Variants in APOBEC3B observed in about 807,000 individuals in gnomAD.
The protein encoded by APOBEC3B is apolipoprotein B mRNA editing enzyme catalytic subunit 3B, also known as DNA dC->dU-editing enzyme APOBEC-3B.
APOBEC3B carries 29 observed loss-of-function variants against 53.4 expected under a neutral mutation model. That is an observed-to-expected ratio of 0.54 (90% CI 0.40 to 0.74). The LOEUF is 0.74. APOBEC3B is among the 30% of genes least tolerant of loss of function. The pLI, the probability that APOBEC3B is intolerant of heterozygous loss-of-function variation, is 0.00. For synonymous variants in APOBEC3B, 132 were observed against 184.8 expected (o/e 0.71, Z 2.32); for missense variants, 347 against 496.2 (o/e 0.70, Z 2.86).
At chr22:38,982,559 C>T (rs1231993527) in intron 1 of APOBEC3B, 89 bp downstream of exon 1, 2 of 1,492,384 alleles carry the variant, frequency 1.3e-6, no homozygotes, top group East Asian at 2.6e-5. Flanking sequence ...TCCCCCCGCC[C>T]CTGCCCCAGC....
chr22:38,983,701 G>C (rs1923621135), intron 1 of APOBEC3B, among the ~76,000 whole-genome samples: 1 of 149,308 alleles, frequency 6.7e-6, no homozygotes, highest in Non-Finnish European at 1.5e-5. Context: ...AACACGCAGA[G>C]TGAAACATCA....
At chr22:38,990,189 G>C (rs1336211935) in intron 5 of APOBEC3B, among the ~76,000 whole-genome samples, 1 of 148,264 alleles carries the variant, frequency 6.7e-6, no homozygotes, top group Non-Finnish European at 1.5e-5. Context: ...CCTCTGTCTG[G>C]AGAGGCCAAG....
intron 4 of APOBEC3B, among the ~76,000 whole-genome samples, chr22:38,986,864 T>C (rs1923762367): frequency 6.8e-6 from 1 of 147,854 alleles, no homozygotes; most frequent in South Asian, 2.2e-4. Context: ...GGCCTCTGAG[T>C]GTGAAGGCAT....
In APOBEC3B at chr22:38,986,404, G is replaced by T. The variant is rs1381676794; in HGVS notation, c.561G>T (p.Glu187Asp). The change falls in exon 4 of 8, where the codon GAG (glutamate) becomes GAT (aspartate). Residue 187 changes from glutamate to aspartate, a missense_variant. Transcript: ENST00000333467. ...CATTCCTGCACCGCACGCTAAAGGA[G>T]ATTCTCAGGTGAGGGTCTCCCTCTG... is the stretch of plus-strand genomic sequence containing the variant. ...NYAFLHRTLK[E>D]ILRYLMDPDT... is the part of the protein sequence containing the mutation. 6.3e-7 allele frequency: 1 copy of T among 1,593,156 alleles called. No individual in the cohort carries two copies. Among genetic ancestry groups the T allele is most frequent in the African/African-American group, 1.3e-5 (1 of 74,276 alleles).
At chr22:38,990,622 AC>A (rs1330117955) in intron 5 of APOBEC3B, among the ~76,000 whole-genome samples, 2 of 147,618 alleles carry the variant, frequency 1.4e-5, no homozygotes, top group Admixed American at 1.4e-4. Context: ...TCTCTTCCCC[AC>A]TACTTTTGGT....
Position 38,986,365 on chromosome 22 carries a change from C to G in APOBEC3B, c.522C>G (p.Phe174Leu). Residue 174 changes from phenylalanine to leucine, a missense_variant, in exon 4 of 8, where the codon TTC becomes TTG. Phe to Leu is a conservative substitution (Grantham distance 22). This residue lies in a region of APOBEC3B where 156 missense variants were observed against 166.7 expected (regional missense o/e 0.94). Coordinates refer to ENST00000333467, the MANE Select transcript of APOBEC3B (RefSeq NM_004900.5). Reference sequence around the variant, plus strand: ...AGCAATTCATGCCTTGGTACAAATTCGATGAAAATTATGCATTCCTGCACC... The same window carrying G: ...AGCAATTCATGCCTTGGTACAAATTGGATGAAAATTATGCATTCCTGCACC... ...EGQQFMPWYK[F>L]DENYAFLHRT... 1.9e-6 allele frequency: 3 copies of G among 1,593,874 alleles called. No individual in the cohort carries two copies. Among genetic ancestry groups the G allele is most frequent in the Non-Finnish European group, 2.6e-6 (3 of 1,172,690 alleles).
intron 1 of APOBEC3B, 115 bp downstream of exon 1, chr22:38,982,585 C>A: frequency 1.6e-6 from 2 of 1,283,730 alleles, no homozygotes; most frequent in Non-Finnish European, 2.2e-6. Context: ...GCTCCCTCCC[C>A]TCTGGCTCCC....
intron 4 of APOBEC3B, among the ~76,000 whole-genome samples, chr22:38,988,695 T>C (rs56159104): frequency 0.37 from 27,273 of 74,172 alleles, 6,125 homozygotes; most frequent in South Asian, 0.51. Flanking sequence ...CTTTCTTTCT[T>C]TCTTTCTTTC....
At chr22:38,988,707 T>C (rs56262926) in intron 4 of APOBEC3B, among the ~76,000 whole-genome samples, 3,933 of 106,764 alleles carry the variant, frequency 0.037, 304 homozygotes, top group African/African-American at 0.079. Flanking sequence ...CTTTCTTTCT[T>C]TCTTTCTTTC....
In APOBEC3B at chr22:38,991,968, A is replaced by T; in HGVS notation, c.1019-66A>T. The T allele has an allele frequency of 2.0e-6, 3 of 1,486,312 alleles. 1 individual carries two copies. Among genetic ancestry groups the T allele is most frequent in the Admixed American group, 2.4e-5 (1 of 41,170 alleles). The allele number at this position is 1,486,312 out of a possible 1,614,324, so 92.1% of individuals were successfully genotyped here. A position where few individuals can be genotyped will look rare whatever the true frequency, so the allele number is the denominator to read the frequency against. On this transcript the variant is annotated intron_variant, in intron 6 of 7. Coordinates refer to ENST00000333467, the MANE Select transcript of APOBEC3B (RefSeq NM_004900.5). ...ATGTGGGAAGTCTGTCCTGAGAGTC[A>T]TGGGCCCTTGGTGCTGCCCCCTCCC...
chr22:38,984,651 C>T (rs1923664636), intron 2 of APOBEC3B, among the ~76,000 whole-genome samples: 1 of 148,000 alleles, frequency 6.8e-6, no homozygotes, highest in African/African-American at 2.5e-5. Flanking sequence ...CAACCTTGCC[C>T]TGGAGGGGTG....
At chr22:38,990,708 A>T (rs1390451371) in intron 5 of APOBEC3B, among the ~76,000 whole-genome samples, 1 of 147,312 alleles carries the variant, frequency 6.8e-6, no homozygotes, top group African/African-American at 2.5e-5. Flanking sequence ...AAGTTTCTAG[A>T]ATTATGGGCC....
At position 38,991,533 on chromosome 22, in the gene APOBEC3B, G is replaced by C. The variant is rs767250819; in HGVS notation, c.925G>C (p.Ala309Pro). 5 of 1,593,774 alleles carry C rather than the reference G, an allele frequency of 3.1e-6. No homozygotes were observed. The highest frequency in any genetic ancestry group is 4.3e-6 in the Non-Finnish European group (5 of 1,172,700). The change falls in exon 6 of 8, where the codon GCT (alanine) becomes CCT (proline). Residue 309 changes from alanine (A) to proline (P), a missense_variant. Physicochemically the swap from Ala to Pro is conservative, Grantham distance 27. Around this residue, in one of 5 missense-constraint regions of APOBEC3B, gnomAD observed 78 missense variants for 103.9 expected, o/e 0.75. Coordinates refer to ENST00000333467, the MANE Select transcript of APOBEC3B (RefSeq NM_004900.5). The part of the protein sequence containing the change: ...ENTHVRLRIF[A>P]ARIYDYDPLY... ...CACACACGTGAGACTGCGCATCTTC[G>C]CTGCCCGCATCTATGATTACGACCC...
chr22:38,984,240 C>T lies in APOBEC3B; in HGVS notation c.174+9C>T, dbSNP rs757665891. The T allele has an allele frequency of 2.5e-6, 4 of 1,589,666 alleles. No homozygotes were observed. The highest frequency in any genetic ancestry group is 3.4e-6 in the Non-Finnish European group (4 of 1,171,382). ...GGGTCTTTCGAGGCCAGGTACCACC[C>T]AAACTTCAATCGAATCACAGGCAGT... On this transcript the variant is annotated intron_variant, in intron 2 of 7. Coordinates refer to ENST00000333467, the MANE Select transcript of APOBEC3B (RefSeq NM_004900.5).
At chr22:38,986,271 T>C in intron 3 of APOBEC3B, 27 bp from the exon 4 acceptor site, 5 of 1,591,822 alleles carry the variant, frequency 3.1e-6, no homozygotes, top group Non-Finnish European at 3.4e-6. Context: ...GGGGAGAGCC[T>C]GACTGCTTCC....
At chr22:38,985,131 C>T (rs1337227715) in intron 2 of APOBEC3B, among the ~76,000 whole-genome samples, 1 of 148,378 alleles carries the variant, frequency 6.7e-6, no homozygotes, top group African/African-American at 2.5e-5. Context: ...AATTCCTGAC[C>T]TCAGGTGAGT....
At position 38,989,565 on chromosome 22, in the gene APOBEC3B, C is replaced by T. The variant is rs755891511; in HGVS notation, c.678C>T (p.Gly226=). The change falls in exon 5 of 8, where the codon GGC becomes GGT. Residue 226 remains glycine (G), a synonymous_variant. Transcript: ENST00000333467. The part of the protein sequence containing the change: ...LCYEVERLDN[G]TWVLMDQHMG... ...ATGAGGTGGAGCGCCTGGACAATGG[C>T]ACCTGGGTCCTGATGGACCAGCACA... The T allele has an allele frequency of 6.9e-6, 11 of 1,587,892 alleles. 1 individual carries two copies. The East Asian group carries it at 2.7e-4, about 40-fold the overall frequency.
intron 6 of APOBEC3B, 32 bp from the exon 7 acceptor site, chr22:38,992,002 G>T (rs1325053094): frequency 6.5e-7 from 1 of 1,541,936 alleles, no homozygotes; most frequent in African/African-American, 1.4e-5. Context: ...CCCACAACAG[G>T]AGCGTGACTT....
rs1218870595 is a variant in APOBEC3B, at chr22:38,990,518, T to A, written c.724-814T>A. Among the ~76,000 whole-genome samples, 4 of 147,986 alleles carry A rather than the reference T, an allele frequency of 2.7e-5. 1 individual carries two copies. The highest frequency in any genetic ancestry group is 6.9e-5 in the Admixed American group (1 of 14,418). ...TAGTGGAAAATCCTTTTCTCTGAAG[T>A]TTGGAGTAAATACCATATTTCTATA... On this transcript the variant is annotated intron_variant, in intron 5 of 7. Transcript: ENST00000333467.
Sources: gnomAD v4.1 joint callset for allele counts (sites outside exome capture counted in the v4.1 genomes callset) on GRCh38, gnomAD v4.1.1 for gene constraint, gnomAD v4.1.1 regional missense constraint, MANE v1.5 for transcripts, NCBI Gene and HGNC (gene_info 2026-07-23, HGNC 2026-07-21) for gene names.